PCDH11X: variants seen among roughly 807,000 people sequenced by gnomAD.
PCDH11X encodes the protein protocadherin 11 X-linked.
Under a neutral mutation model 53.3 loss-of-function variants are expected in PCDH11X, and 18 were observed. The observed-to-expected ratio is 0.34, with a 90% CI of 0.23 to 0.50. The LOEUF (loss-of-function observed/expected upper bound fraction) is 0.50, where lower values mean the gene tolerates loss of function less well. Ranked by LOEUF, PCDH11X falls within the 20% of genes least tolerant of loss-of-function variation. The pLI, the probability that PCDH11X is intolerant of heterozygous loss-of-function variation, is 0.98. For missense variants in PCDH11X, 570 were observed against 1,032.4 expected (o/e 0.55, Z 6.14); for synonymous variants, 279 against 393.3 (o/e 0.71, Z 3.44).
intron 6 of PCDH11X, among the ~76,000 whole-genome samples, chrX:92,133,527 G>A (rs904356939): frequency 4.5e-5 from 5 of 111,211 alleles, no homozygotes; most frequent in African/African-American, 1.6e-4. Flanking sequence ...CTACCACGCC[G>A]GGCTAATTTT....
Position 91,879,000 on chromosome X carries a change from T to C in PCDH11X, c.2760T>C (p.Asn920=), listed in dbSNP as rs1256700326. 1 of 1,211,372 alleles carries C rather than the reference T, an allele frequency of 8.3e-7. No homozygotes were observed. Among genetic ancestry groups the C allele is most frequent in the East Asian group, 3.0e-5 (1 of 33,815 alleles). ...AAGAGCAAACAATGGGAAAGTACAA[T>C]TGGGTAACTACACCTACTACTTTCA... The part of the protein sequence containing the change: ...DLEEQTMGKY[N]WVTTPTTFKP... The change falls in exon 6 of 11, where the codon AAT becomes AAC. Residue 920 remains asparagine (N), a synonymous_variant. Transcript: ENST00000682573.
intron 6 of PCDH11X, among the ~76,000 whole-genome samples, chrX:92,198,110 C>T (rs1356457447): frequency 9.2e-6 from 1 of 108,182 alleles, no homozygotes; most frequent in Non-Finnish European, 1.9e-5. Context: ...ATCACAAAAC[C>T]AGGAGCCGGG....
intron 10 of PCDH11X, among the ~76,000 whole-genome samples, chrX:92,513,393 A>T (rs5942275): frequency 0.29 from 30,948 of 108,217 alleles, 3,862 homozygotes; most frequent in Non-Finnish European, 0.37. Flanking sequence ...AAACTTTGGA[A>T]GTAAAAGGGG....
At chrX:92,390,520 C>G (rs2071106462) in intron 9 of PCDH11X, among the ~76,000 whole-genome samples, 1 of 109,437 alleles carries the variant, frequency 9.1e-6, no homozygotes, top group Non-Finnish European at 1.9e-5. Flanking sequence ...AGCTATAGCT[C>G]TGAAATAGCA....
chrX:92,142,420 A>C (rs1292796101), intron 6 of PCDH11X, among the ~76,000 whole-genome samples: 3 of 107,577 alleles, frequency 2.8e-5, no homozygotes, highest in African/African-American at 1.0e-4. Flanking sequence ...ACACATATCC[A>C]TGTTGGTCAG....
intron 6 of PCDH11X, among the ~76,000 whole-genome samples, chrX:91,999,799 T>C (rs1436230951): frequency 1.8e-5 from 2 of 110,843 alleles, no homozygotes; most frequent in Non-Finnish European, 3.8e-5. Flanking sequence ...CATATTTTTC[T>C]TTTTCATTGT....
chrX:92,167,060 C>T (rs1300417832), intron 6 of PCDH11X, among the ~76,000 whole-genome samples: 1 of 109,026 alleles, frequency 9.2e-6, no homozygotes, highest in African/African-American at 3.3e-5. Context: ...TTTAAACCTG[C>T]ACCTGCATTT....
intron 1 of PCDH11X, among the ~76,000 whole-genome samples, chrX:91,782,471 G>C (rs1312703713): frequency 9.1e-6 from 1 of 109,525 alleles, no homozygotes; most frequent in East Asian, 2.9e-4. Context: ...CCCCTCGGGT[G>C]ATAAAAAAGA....
At chrX:91,880,679 A>G (rs992284314) in intron 6 of PCDH11X, among the ~76,000 whole-genome samples, 22 of 110,389 alleles carry the variant, frequency 2.0e-4, no homozygotes, top group African/African-American at 6.6e-4. Flanking sequence ...GTCTGTATAG[A>G]GAGCTTCTGT....
At chrX:91,904,590 T>C (rs1421646579) in intron 6 of PCDH11X, among the ~76,000 whole-genome samples, 2 of 111,089 alleles carry the variant, frequency 1.8e-5, no homozygotes, top group Non-Finnish European at 3.8e-5. Flanking sequence ...AAAATAGAAA[T>C]TACCTATAAT....
chrX:91,824,916 C>T (rs1330157811), intron 4 of PCDH11X, among the ~76,000 whole-genome samples: 2 of 107,173 alleles, frequency 1.9e-5, no homozygotes, highest in African/African-American at 7.5e-5. Context: ...AGCTGCAGGT[C>T]TGTCGGAGTA....
chrX:91,899,371 G>A (rs1461450947), intron 6 of PCDH11X, among the ~76,000 whole-genome samples: 1 of 110,836 alleles, frequency 9.0e-6, no homozygotes, highest in Non-Finnish European at 1.9e-5. Flanking sequence ...TAGCCGTGCT[G>A]GCAGCTGATT....
intron 7 of PCDH11X, among the ~76,000 whole-genome samples, chrX:92,245,720 A>C (rs1269407793): frequency 8.9e-6 from 1 of 112,101 alleles, no homozygotes; most frequent in African/African-American, 3.2e-5. Context: ...TCCTTCCTAC[A>C]TGAAGGGAGG....
chrX:91,820,981 G>A (rs779872087), intron 4 of PCDH11X, among the ~76,000 whole-genome samples: 9 of 108,479 alleles, frequency 8.3e-5, no homozygotes, highest in Admixed American at 2.9e-4. Context: ...TCAGATAGTC[G>A]TAGATATGCG....
intron 9 of PCDH11X, among the ~76,000 whole-genome samples, chrX:92,451,706 T>G (rs2072784338): frequency 8.9e-6 from 1 of 112,021 alleles, no homozygotes; most frequent in African/African-American, 3.2e-5. Context: ...TAATACAGAT[T>G]GACTTAGCGA....
At chrX:92,262,629 C>G (rs1253485615) in intron 7 of PCDH11X, among the ~76,000 whole-genome samples, 1 of 111,120 alleles carries the variant, frequency 9.0e-6, no homozygotes, top group South Asian at 3.7e-4. Flanking sequence ...CAATAATATC[C>G]CAATGCTGTA....
intron 4 of PCDH11X, among the ~76,000 whole-genome samples, chrX:91,834,078 A>C (rs1937208374): frequency 9.0e-6 from 1 of 111,580 alleles, no homozygotes; most frequent in African/African-American, 3.3e-5. Context: ...TAATTATAAA[A>C]GTATGACATC....
chrX:91,888,116 A>G (rs1940316576), intron 6 of PCDH11X, among the ~76,000 whole-genome samples: 1 of 111,956 alleles, frequency 8.9e-6, no homozygotes, highest in African/African-American at 3.2e-5. Flanking sequence ...TTAATTATCC[A>G]TACATACACA....
intron 6 of PCDH11X, among the ~76,000 whole-genome samples, chrX:91,967,697 A>G (rs1165087563): frequency 9.0e-6 from 1 of 111,487 alleles, no homozygotes; most frequent in African/African-American, 3.3e-5. Context: ...AGAAAAAAGG[A>G]AGACCCCCCT....
Sources: gnomAD v4.1 joint callset for allele counts (sites outside exome capture counted in the v4.1 genomes callset) on GRCh38, gnomAD v4.1.1 for gene constraint, MANE v1.5 for transcripts, NCBI Gene and HGNC (gene_info 2026-07-23, HGNC 2026-07-21) for gene names.